CCDC91: variants seen among roughly 807,000 people sequenced by gnomAD.
The protein encoded by CCDC91 is coiled-coil domain containing 91, also known as coiled-coil domain-containing protein 91.
A neutral mutation model predicts 63.2 loss-of-function variants in CCDC91; 48 were observed. The observed-to-expected ratio is 0.76, with a 90% CI of 0.60 to 0.97. The LOEUF is 0.97. CCDC91 is among the 50% of genes least tolerant of loss of function. CCDC91 has a pLI of 0.00. For synonymous variants in CCDC91, 167 were observed against 165.8 expected, an observed-to-expected ratio of 1.01 and a Z score of -0.06; for missense variants, 500 against 494.6, an observed-to-expected ratio of 1.01 and a Z score of -0.10.
chr12:28,466,300 A>G (rs540246579), intron 11 of CCDC91, among the ~76,000 whole-genome samples: 2 of 152,298 alleles, frequency 1.3e-5, no homozygotes, highest in South Asian at 4.1e-4. Context: ...GTTTATTCAA[A>G]GGTATAATAA....
chr12:28,262,191 T>A (rs535296068), intron 3 of CCDC91, among the ~76,000 whole-genome samples: 1 of 152,124 alleles, frequency 6.6e-6, no homozygotes, highest in South Asian at 2.1e-4. Context: ...TTCTTTTCAG[T>A]TGAAGAAAAG....
intron 7 of CCDC91, among the ~76,000 whole-genome samples, chr12:28,376,682 T>C (rs1944967459): frequency 6.6e-6 from 1 of 151,806 alleles, no homozygotes; most frequent in Admixed American, 6.6e-5. Flanking sequence ...AAAGAGAAAG[T>C]ATCTTTTTGC....
At chr12:28,254,841 G>A (rs1254062742) in intron 1 of CCDC91, among the ~76,000 whole-genome samples, 3 of 147,624 alleles carry the variant, frequency 2.0e-5, no homozygotes, top group Non-Finnish European at 3.0e-5. Flanking sequence ...GTGCGATCTC[G>A]GCTCACTGCA....
intron 8 of CCDC91, among the ~76,000 whole-genome samples, chr12:28,422,484 A>G (rs536334503): frequency 2.6e-5 from 4 of 152,106 alleles, no homozygotes; most frequent in Non-Finnish European, 4.4e-5. Flanking sequence ...GCATACCATC[A>G]GGATCACTTG....
chr12:28,388,415 C>G (rs1945736363), intron 7 of CCDC91, among the ~76,000 whole-genome samples: 1 of 152,184 alleles, frequency 6.6e-6, no homozygotes, highest in Non-Finnish European at 1.5e-5. Context: ...AGCAGAGTTT[C>G]AGGATTCAAA....
At chr12:28,432,992 A>G (rs530140261) in intron 8 of CCDC91, among the ~76,000 whole-genome samples, 1 of 152,178 alleles carries the variant, frequency 6.6e-6, no homozygotes. Context: ...ATCTTTTCAT[A>G]TGCTTATTGC....
intron 12 of CCDC91, among the ~76,000 whole-genome samples, chr12:28,531,791 C>T (rs1331139424): frequency 1.3e-5 from 2 of 152,150 alleles, no homozygotes; most frequent in African/African-American, 4.8e-5. Flanking sequence ...CCAGGTACTG[C>T]TCTAGCCTTT....
chr12:28,286,649 T>C (rs1291382318), intron 3 of CCDC91, among the ~76,000 whole-genome samples: 1 of 152,230 alleles, frequency 6.6e-6, no homozygotes, highest in African/African-American at 2.4e-5. Flanking sequence ...TCTTTGCTAT[T>C]GTGAAATGCT....
At chr12:28,308,878 C>T (rs1213006392) in intron 6 of CCDC91, among the ~76,000 whole-genome samples, 3 of 151,978 alleles carry the variant, frequency 2.0e-5, no homozygotes, top group Admixed American at 6.6e-5. Context: ...TCTTTTCCTT[C>T]ATGAGTTTTT....
At position 28,244,526 on chromosome 12, in the gene CCDC91, T is replaced by TTTC. The variant is rs3064708; in HGVS notation, c.-14-12676_-14-12675insTTC. Among the ~76,000 whole-genome samples, 11 of 111,220 alleles carry TTTC rather than the reference T, an allele frequency of 9.9e-5. 1 individual carries two copies. Among genetic ancestry groups the TTTC allele is most frequent in the African/African-American group, 3.0e-4 (10 of 33,278 alleles). 73.0% of individuals were successfully genotyped at this position (111,220 alleles called of 152,430 possible). ...TTTTTTTTTTTTTTTTTTTTTTTTTTACAGCTCTACTCTTTTCAGTGCCTC... is the reference window on the plus strand; with the variant it reads ...TTTTTTTTTTTTTTTTTTTTTTTTTTTTCACAGCTCTACTCTTTTCAGTGCCTC... On this transcript the variant is annotated intron_variant, in intron 1 of 12. Coordinates refer to ENST00000536442, the MANE Select transcript of CCDC91 (RefSeq NM_018318.5).
chr12:28,201,700 G>C (rs34591739), intron 1 of CCDC91, among the ~76,000 whole-genome samples: 1 of 143,322 alleles, frequency 7.0e-6, no homozygotes, highest in Non-Finnish European at 1.6e-5. Context: ...AGGTTGTAGC[G>C]AGCCGAGATC....
At chr12:28,528,274 G>C (rs974722752) in intron 12 of CCDC91, among the ~76,000 whole-genome samples, 2 of 152,062 alleles carry the variant, frequency 1.3e-5, no homozygotes, top group African/African-American at 4.8e-5. Context: ...CCCACAGGGG[G>C]ACCCTAGAGC....
chr12:28,219,087 T>C (rs1254922640), intron 1 of CCDC91, among the ~76,000 whole-genome samples: 5 of 152,228 alleles, frequency 3.3e-5, no homozygotes, highest in Non-Finnish European at 4.4e-5. Context: ...GAATTCTAGG[T>C]GCTCCATATT....
intron 7 of CCDC91, among the ~76,000 whole-genome samples, chr12:28,388,904 C>G (rs972170257): frequency 2.6e-5 from 4 of 152,132 alleles, no homozygotes; most frequent in Admixed American, 2.6e-4. Context: ...TATAAAAATT[C>G]TGAAAGATAA....
intron 8 of CCDC91, among the ~76,000 whole-genome samples, chr12:28,436,324 A>T (rs960528781): frequency 6.6e-6 from 1 of 151,742 alleles, no homozygotes; most frequent in East Asian, 1.9e-4. Context: ...AACTAATCCA[A>T]TTTAACTTTC....
intron 3 of CCDC91, among the ~76,000 whole-genome samples, chr12:28,263,420 C>A (rs1946962987): frequency 1.3e-5 from 2 of 151,956 alleles, no homozygotes; most frequent in South Asian, 4.1e-4. Flanking sequence ...ATTCTAGATA[C>A]TTTATAAAGT....
intron 6 of CCDC91, among the ~76,000 whole-genome samples, chr12:28,317,070 A>G (rs550385707): frequency 6.6e-6 from 1 of 152,050 alleles, no homozygotes; most frequent in South Asian, 2.1e-4. Context: ...GCCATTTCAG[A>G]GTTGCCATGT....
At chr12:28,481,382 A>C (rs1437031672) in intron 11 of CCDC91, among the ~76,000 whole-genome samples, 1 of 152,000 alleles carries the variant, frequency 6.6e-6, no homozygotes, top group Non-Finnish European at 1.5e-5. Flanking sequence ...TCCTTAAAGA[A>C]TATACCATGT....
intron 7 of CCDC91, among the ~76,000 whole-genome samples, chr12:28,373,409 C>G (rs1253995628): frequency 1.3e-5 from 2 of 151,874 alleles, no homozygotes; most frequent in Non-Finnish European, 2.9e-5. Flanking sequence ...ATTTTTTCTC[C>G]TACTTCTCTT....
Sources: allele counts gnomAD v4.1 joint callset (sites outside exome capture counted in the v4.1 genomes callset), GRCh38; gene constraint gnomAD v4.1.1; transcripts MANE v1.5; gene names NCBI Gene and HGNC (gene_info 2026-07-23, HGNC 2026-07-21).